The following PARD3B variants were observed in gnomAD, a reference collection of about 807,000 sequenced individuals.
PARD3B encodes the protein par-3 family cell polarity regulator beta.
A neutral mutation model predicts 130.2 loss-of-function variants in PARD3B; 103 were observed. The observed-to-expected ratio is 0.79, with a 90% confidence interval of 0.67 to 0.93. PARD3B has a LOEUF of 0.93. PARD3B is among the 40% of genes least tolerant of loss of function. The pLI is 0.00. For synonymous variants in PARD3B, 583 were observed against 553.2 expected, an observed-to-expected ratio of 1.05 and a Z score of -0.76; for missense variants, 1,609 against 1,499.2, an observed-to-expected ratio of 1.07 and a Z score of -1.21.
At position 205,616,160 on chromosome 2, in the gene PARD3B, T is replaced by C; in HGVS notation, c.*347T>C. On this transcript the variant is annotated 3_prime_UTR_variant, in exon 23 of 23. Transcript: ENST00000406610. ...GGGGATCCTCTCTGGCTAGATAACC[T>C]GTGCTGATGTGCAGACACGTGGACA... is the stretch of plus-strand genomic sequence containing the variant. 1 of 227,598 alleles carries C rather than the reference T, an allele frequency of 4.4e-6. No homozygotes were observed. The highest frequency in any genetic ancestry group is 8.5e-6 in the Non-Finnish European group (1 of 117,480). 14.1% of individuals were successfully genotyped at this position (227,598 alleles called of 1,614,324 possible). A position where few individuals can be genotyped will look rare whatever the true frequency, so the allele number is the denominator to read the frequency against.
intron 1 of PARD3B, among the ~76,000 whole-genome samples, chr2:204,661,180 A>G (rs751165868): frequency 2.6e-5 from 4 of 152,188 alleles, no homozygotes; most frequent in Non-Finnish European, 4.4e-5. Flanking sequence ...TTAAATTAGG[A>G]ACAGGTAGTA....
chr2:205,019,225 A>T (rs1696406943), intron 3 of PARD3B, among the ~76,000 whole-genome samples: 1 of 152,124 alleles, frequency 6.6e-6, no homozygotes, highest in Non-Finnish European at 1.5e-5. Context: ...TGTAAATGAA[A>T]TCATGTAATA....
intron 22 of PARD3B, among the ~76,000 whole-genome samples, chr2:205,561,835 G>C (rs2053147753): frequency 6.6e-6 from 1 of 152,148 alleles, no homozygotes; most frequent in East Asian, 1.9e-4. Context: ...GGGGTTTACT[G>C]CCTTTTGAAA....
Position 204,669,844 on chromosome 2 carries a change from T to C in PARD3B, c.121-16337T>C, listed in dbSNP as rs1215051572. Among the ~76,000 whole-genome samples, 1 of 152,120 alleles carries C rather than the reference T, an allele frequency of 6.6e-6. No individual in the cohort carries two copies. Among genetic ancestry groups the C allele is most frequent in the African/African-American group, 2.4e-5 (1 of 41,434 alleles). On this transcript the variant is annotated intron_variant, in intron 1 of 22. Coordinates refer to ENST00000406610, the MANE Select transcript of PARD3B (RefSeq NM_001302769.2). The surrounding 1 kb of genome is among the most constrained non-coding windows in gnomAD (Gnocchi z 4.3). ...TTTACTCCGAGGAATGAAGAGATGC[T>C]GTTTTAGATGACAGAATAAACATAG...
chr2:205,454,599 G>A lies in PARD3B; in HGVS notation c.3044+13927G>A, dbSNP rs552592674. Among the ~76,000 whole-genome samples the A allele has an allele frequency of 1.8e-3, 276 of 152,140 alleles. 1 individual carries two copies. Among genetic ancestry groups the A allele is most frequent in the African/African-American group, 6.3e-3 (262 of 41,544 alleles). On this transcript the variant is annotated intron_variant, in intron 20 of 22. Transcript: ENST00000406610. Reference sequence around the variant, plus strand: ...ACTCTGGATTTTCCCAAACTTGGCCGTTACTCAGCCTCTCACTCTCCAAAT... The same window carrying A: ...ACTCTGGATTTTCCCAAACTTGGCCATTACTCAGCCTCTCACTCTCCAAAT...
intron 21 of PARD3B, among the ~76,000 whole-genome samples, chr2:205,548,040 G>A (rs1468939969): frequency 6.6e-6 from 1 of 151,982 alleles, no homozygotes; most frequent in Non-Finnish European, 1.5e-5. Flanking sequence ...TTCTTTTCTT[G>A]GTTTCTACAA....
chr2:205,006,976 A>G (rs1025095899), intron 3 of PARD3B, among the ~76,000 whole-genome samples: 1 of 152,136 alleles, frequency 6.6e-6, no homozygotes, highest in African/African-American at 2.4e-5. Context: ...TTCACCTAAT[A>G]TTGTTAGGCT....
At chr2:204,828,926 G>T (rs1264925096) in intron 2 of PARD3B, among the ~76,000 whole-genome samples, 1 of 152,136 alleles carries the variant, frequency 6.6e-6, no homozygotes, top group Non-Finnish European at 1.5e-5. Context: ...ATCTCTTTGA[G>T]ACTTTTGTAA....
In PARD3B at chr2:205,615,916, TTA is replaced by T. The variant is rs2055418752; in HGVS notation, c.*104_*105del. 1 of 992,416 alleles carries T rather than the reference TTA, an allele frequency of 1.0e-6. No individual in the cohort carries two copies. Among genetic ancestry groups the T allele is most frequent in the Admixed American group, 2.4e-5 (1 of 42,464 alleles). The allele number at this position is 992,416 out of a possible 1,614,324, so 61.5% of individuals were successfully genotyped here. On this transcript the variant is annotated 3_prime_UTR_variant, in exon 23 of 23. Coordinates refer to ENST00000406610, the MANE Select transcript of PARD3B (RefSeq NM_001302769.2). Reference sequence around the variant, plus strand: ...TCCTTGGTGTTAGGAATTCTCCATGTTACTGATAAGCTTTTTCTCACTGACAT... The same window carrying T: ...TCCTTGGTGTTAGGAATTCTCCATGTCTGATAAGCTTTTTCTCACTGACAT...
At chr2:204,870,153 C>T (rs1392492658) in intron 2 of PARD3B, among the ~76,000 whole-genome samples, 11 of 152,060 alleles carry the variant, frequency 7.2e-5, no homozygotes, top group Admixed American at 7.2e-4. Flanking sequence ...TTTCCAAGGC[C>T]CCCAATATAA....
At chr2:205,223,623 AAACC>A (rs202193142) in intron 15 of PARD3B, among the ~76,000 whole-genome samples, 2,162 of 151,918 alleles carry the variant, frequency 0.014, 47 homozygotes, top group African/African-American at 0.049. Context: ...GTATTCAAAA[AAACC>A]AACCAACCAA....
At chr2:205,508,654 G>T (rs2050469598) in intron 21 of PARD3B, among the ~76,000 whole-genome samples, 1 of 151,680 alleles carries the variant, frequency 6.6e-6, no homozygotes, top group Non-Finnish European at 1.5e-5. Context: ...TCCCTTCTCA[G>T]TTGATGAACC....
Position 205,460,392 on chromosome 2 carries a change from A to AGTG in PARD3B, c.3044+19721_3044+19723dup, listed in dbSNP as rs34730352. On this transcript the variant is annotated intron_variant, in intron 20 of 22. Transcript: ENST00000406610. The surrounding 1 kb of genome is among the most constrained non-coding windows in gnomAD (Gnocchi z 4.9). Reference sequence around the variant, plus strand: ...GATTATCAAGACTAAGGATGTTGATAGTGATGATGATGATGATGATGATGA... The same window carrying AGTG: ...GATTATCAAGACTAAGGATGTTGATAGTGGTGATGATGATGATGATGATGATGA... Among the ~76,000 whole-genome samples the AGTG allele has an allele frequency of 1.7e-5, 2 of 117,986 alleles. No individual in the cohort carries two copies. The highest frequency in any genetic ancestry group is 3.5e-5 in the Non-Finnish European group (2 of 57,548). The allele number at this position is 117,986 out of a possible 152,430, so 77.4% of individuals were successfully genotyped here.
chr2:205,383,907 T>C (rs1274652296), intron 18 of PARD3B, among the ~76,000 whole-genome samples: 1 of 152,152 alleles, frequency 6.6e-6, no homozygotes, highest in Non-Finnish European at 1.5e-5. Flanking sequence ...TACTTCCTTC[T>C]TCTAACCTAA....
chr2:205,242,135 A>G (rs1017131335), intron 15 of PARD3B, among the ~76,000 whole-genome samples: 4 of 152,170 alleles, frequency 2.6e-5, no homozygotes, highest in African/African-American at 4.8e-5. Context: ...TTATTCATTT[A>G]TCTTCTGTCC....
chr2:204,676,903 C>T (rs12328281), intron 1 of PARD3B, among the ~76,000 whole-genome samples: 2,603 of 152,094 alleles, frequency 0.017, 81 homozygotes, highest in African/African-American at 0.06. Context: ...CTCCTGACGT[C>T]GTGATCCACC....
At chr2:205,024,512 T>G (rs1696871385) in intron 3 of PARD3B, among the ~76,000 whole-genome samples, 1 of 152,144 alleles carries the variant, frequency 6.6e-6, no homozygotes, top group Admixed American at 6.5e-5. Flanking sequence ...CTATTTAAAT[T>G]TTTTATTCCC....
At chr2:205,072,085 CTTG>C (rs1429741291) in intron 4 of PARD3B, among the ~76,000 whole-genome samples, 3 of 152,134 alleles carry the variant, frequency 2.0e-5, no homozygotes, top group East Asian at 3.9e-4. Flanking sequence ...TTTAATTCAT[CTTG>C]TTGTAAAGAA....
At chr2:205,061,662 GATC>G (rs1700072692) in intron 4 of PARD3B, among the ~76,000 whole-genome samples, 1 of 151,936 alleles carries the variant, frequency 6.6e-6, no homozygotes, top group Non-Finnish European at 1.5e-5. Flanking sequence ...AGCTGAATTT[GATC>G]ATCTTTAGCT....
Sources: gnomAD v4.1 joint callset for allele counts (sites outside exome capture counted in the v4.1 genomes callset) on GRCh38, gnomAD v4.1.1 for gene constraint, Gnocchi (gnomAD v3.1) non-coding constraint, MANE v1.5 for transcripts, NCBI Gene and HGNC (gene_info 2026-07-23, HGNC 2026-07-21) for gene names.